Variants in ELAVL3 observed in about 807,000 individuals in gnomAD.
ELAVL3 encodes ELAV-like protein 3.
Under a neutral mutation model 34.2 loss-of-function variants are expected in ELAVL3, and 8 were observed. The ratio of observed to expected loss-of-function variants is 0.23; its 90% CI spans 0.14 to 0.42. ELAVL3 has a LOEUF of 0.42. Ranked by LOEUF, ELAVL3 falls within the 10% of genes least tolerant of loss-of-function variation. The probability of loss-of-function intolerance (pLI) is 1.00; values close to 1 mark genes in which losing one functional copy is unlikely to be tolerated. For synonymous variants in ELAVL3, 209 were observed against 222.1 expected (o/e 0.94, Z 0.53); for missense variants, 273 against 518.8 (o/e 0.53, Z 4.60).
rs1251755004 is a variant in ELAVL3 at position 11,464,855 on chromosome 19, AAC to A, written c.333+1315_333+1316del. On this transcript the variant is annotated intron_variant, in intron 3 of 6. Transcript: ENST00000359227. ...ACACAAACCAGACACACACATACAC[AAC>A]ACACACACCACACACACATACACAC... 7.4e-4 allele frequency among the ~76,000 whole-genome samples: 82 copies of A among 110,566 alleles called. 1 individual carries two copies. The Admixed American group carries it at 7.6e-3, about 10-fold the overall frequency. The allele number at this position is 110,566 out of a possible 152,430, so 72.5% of individuals were successfully genotyped here.
chr19:11,454,680 C>T lies in ELAVL3; in HGVS notation c.950G>A (p.Arg317His). The change falls in exon 7 of 7, where the codon CGT becomes CAT. Residue 317 changes from arginine (R) to histidine (H), a missense_variant. By Grantham distance (29) the Arg-to-His change is conservative. Around this residue, in one of 4 missense-constraint regions of ELAVL3, gnomAD observed 52 missense variants for 119.6 expected, o/e 0.43. Coordinates refer to ENST00000359227, the MANE Select transcript of ELAVL3 (RefSeq NM_001420.4). This position sits in a 1 kb window ranked among gnomAD's most constrained non-coding sequence, Gnocchi z 9.2. ...FGAVTNVKVI[R>H]DFTTNKCKGF... ...CTTGCACTTGTTGGTGGTGAAATCA[C>T]GGATGACCTTGACGTTGGTGACTGC... 1 of 1,614,218 alleles carries T rather than the reference C, an allele frequency of 6.2e-7. No individual in the cohort carries two copies. Among genetic ancestry groups the T allele is most frequent in the Non-Finnish European group, 8.5e-7 (1 of 1,180,020 alleles).
intron 1 of ELAVL3, among the ~76,000 whole-genome samples, chr19:11,479,686 C>A (rs1048433215): frequency 1.3e-5 from 2 of 151,378 alleles, no homozygotes; most frequent in African/African-American, 4.8e-5. Context: ...CGGGCGTGGC[C>A]AGGCAGGGCG....
chr19:11,469,026 C>A (rs1029101520), intron 1 of ELAVL3, among the ~76,000 whole-genome samples: 1 of 152,106 alleles, frequency 6.6e-6, no homozygotes, highest in African/African-American at 2.4e-5. Flanking sequence ...CTCCAGCAAT[C>A]CTCCCACGTC....
At chr19:11,465,280 C>T (rs945836156) in intron 3 of ELAVL3, among the ~76,000 whole-genome samples, 2 of 80,214 alleles carry the variant, frequency 2.5e-5, no homozygotes, top group African/African-American at 1.6e-4. Flanking sequence ...CACACACATA[C>T]ACACACACAC....
Position 11,451,801 on chromosome 19 carries a change from T to TGGG in ELAVL3, c.*2722_*2724dup, listed in dbSNP as rs140160574. ...GGGGTGGCAGGGGCCTAGGCCTCGG[T>TGGG]GGGGGGGGGGTGTGTGGGGAGGTGC... is the stretch of plus-strand genomic sequence containing the variant. On this transcript the variant is annotated 3_prime_UTR_variant, in exon 7 of 7. Transcript: ENST00000359227. 3.9e-5 allele frequency: 5 copies of TGGG among 129,748 alleles called. No homozygotes were observed. Among genetic ancestry groups the TGGG allele is most frequent in the African/African-American group, 1.4e-4 (5 of 36,368 alleles). 8.0% of individuals were successfully genotyped at this position (129,748 alleles called of 1,614,324 possible).
In ELAVL3 at chr19:11,454,468, TTTCTCTC is replaced by T; in HGVS notation, c.*51_*57del. 7.6e-7 allele frequency: 1 copy of T among 1,313,596 alleles called. No homozygotes were observed. Among genetic ancestry groups the T allele is most frequent in the Non-Finnish European group, 1.0e-6 (1 of 980,276 alleles). The allele number at this position is 1,313,596 out of a possible 1,614,324, so 81.4% of individuals were successfully genotyped here. On this transcript the variant is annotated 3_prime_UTR_variant, in exon 7 of 7. Transcript: ENST00000359227. The surrounding 1 kb of genome is among the most constrained non-coding windows in gnomAD (Gnocchi z 9.2). ...GGCCCCTTCTCTCTCTCTCTCTCTC[TTTCTCTC>T]TCTCTCTCTCTGCTGCCCGGGGAGG...
intron 1 of ELAVL3, among the ~76,000 whole-genome samples, chr19:11,476,607 C>T (rs1441565356): frequency 6.6e-6 from 1 of 151,368 alleles, no homozygotes; most frequent in Non-Finnish European, 1.5e-5. Context: ...AATGGTGAAA[C>T]AAGAATTCAG....
At chr19:11,461,454 TCCTCCCTCCCTC>T (rs144122978) in intron 3 of ELAVL3, among the ~76,000 whole-genome samples, 2 of 136,698 alleles carry the variant, frequency 1.5e-5, no homozygotes, top group Admixed American at 7.2e-5. Context: ...TATCTATTTT[TCCTCCCTCCCTC>T]CCTCCCTCCC....
At chr19:11,474,995 A>G (rs761723018) in intron 1 of ELAVL3, among the ~76,000 whole-genome samples, 6 of 151,914 alleles carry the variant, frequency 3.9e-5, no homozygotes, top group African/African-American at 7.3e-5. Flanking sequence ...CGCCTGGCTA[A>G]TTTTTTGTAT....
intron 1 of ELAVL3, among the ~76,000 whole-genome samples, chr19:11,469,452 G>A (rs1163450987): frequency 6.6e-6 from 1 of 151,884 alleles, no homozygotes; most frequent in Non-Finnish European, 1.5e-5. Context: ...GGCTAATTTT[G>A]TATTTTTAGT....
chr19:11,457,213 G>A (rs538569290), intron 5 of ELAVL3, 65 bp from the exon 6 acceptor site: 28 of 1,487,430 alleles, frequency 1.9e-5, no homozygotes, highest in African/African-American at 5.8e-5. Context: ...TGACACCGTC[G>A]GCCTGCCCTC....
At chr19:11,457,276 C>T (rs1246655032) in intron 5 of ELAVL3, 128 bp from the exon 6 acceptor site, 4 of 1,016,666 alleles carry the variant, frequency 3.9e-6, no homozygotes, top group Admixed American at 3.5e-5. Flanking sequence ...CCTGCCTGCT[C>T]CCCGCCCGCC....
At chr19:11,467,927 C>A (rs1375860597) in intron 1 of ELAVL3, among the ~76,000 whole-genome samples, 1 of 152,128 alleles carries the variant, frequency 6.6e-6, no homozygotes, top group East Asian at 1.9e-4. Flanking sequence ...GTAGCTGGAA[C>A]AATAGGCGCA....
intron 6 of ELAVL3, among the ~76,000 whole-genome samples, chr19:11,455,585 C>G (rs1970751984): frequency 6.6e-6 from 1 of 151,958 alleles, no homozygotes; most frequent in African/African-American, 2.4e-5. Context: ...CCGCACCCAG[C>G]CATGCCCCGC....
chr19:11,470,220 T>A (rs1373346826), intron 1 of ELAVL3, among the ~76,000 whole-genome samples: 5 of 151,920 alleles, frequency 3.3e-5, no homozygotes. Context: ...CCAGGTGTGG[T>A]GGCACACGCC....
At chr19:11,478,947 C>T (rs1971314849) in intron 1 of ELAVL3, among the ~76,000 whole-genome samples, 1 of 152,120 alleles carries the variant, frequency 6.6e-6, no homozygotes, top group African/African-American at 2.4e-5. Context: ...CTGGGCCCTT[C>T]TTCAATGCAG....
At chr19:11,464,760 TCACACACACC>T (rs1970986105) in intron 3 of ELAVL3, among the ~76,000 whole-genome samples, 1 of 61,690 alleles carries the variant, frequency 1.6e-5, no homozygotes, top group South Asian at 6.0e-4. Flanking sequence ...CACACACACA[TCACACACACC>T]ACACACATAC....
intron 1 of ELAVL3, among the ~76,000 whole-genome samples, chr19:11,477,852 C>G (rs1454970795): frequency 6.6e-6 from 1 of 152,036 alleles, no homozygotes; most frequent in Non-Finnish European, 1.5e-5. Context: ...TCGCGCCCCG[C>G]TAACTTTTTA....
At chr19:11,476,214 C>T (rs1303250189) in intron 1 of ELAVL3, among the ~76,000 whole-genome samples, 2 of 152,174 alleles carry the variant, frequency 1.3e-5, no homozygotes, top group African/African-American at 2.4e-5. Flanking sequence ...CCAGGTGGTT[C>T]TCCTGCCGTT....
Sources: allele counts gnomAD v4.1 joint callset (sites outside exome capture counted in the v4.1 genomes callset), GRCh38; gene constraint gnomAD v4.1.1; regional missense constraint gnomAD v4.1.1; non-coding constraint Gnocchi (gnomAD v3.1); transcripts MANE v1.5; gene names NCBI Gene and HGNC (gene_info 2026-07-23, HGNC 2026-07-21).